Variants in LHX9 observed in about 807,000 individuals in gnomAD.
The protein encoded by LHX9 is LIM homeobox 9, also known as LIM/homeobox protein Lhx9.
Under a neutral mutation model 36.5 loss-of-function variants are expected in LHX9, and 9 were observed. The ratio of observed to expected loss-of-function variants is 0.25; its 90% CI spans 0.15 to 0.43. The LOEUF is 0.43. Among genes scored for constraint, LHX9 ranks in the 20% least tolerant of loss-of-function variants. The probability of loss-of-function intolerance (pLI) is 1.00; values close to 1 mark genes in which losing one functional copy is unlikely to be tolerated. For synonymous variants in LHX9, 211 were observed against 212.1 expected, an observed-to-expected ratio of 0.99 and a Z score of 0.04; for missense variants, 464 against 526.4, an observed-to-expected ratio of 0.88 and a Z score of 1.16.
At chr1:197,912,493 A>G (rs1443433707), upstream of LHX9, 4 of 1,613,242 alleles carry the variant, frequency 2.5e-6, no homozygotes, top group African/African-American at 1.3e-5. Context: ...TGCCAGTGCA[A>G]CCACCATTAC....
chr1:197,935,394 A>G lies in LHX9; in HGVS notation c.*6135A>G, dbSNP rs773941608. ...TTTTCTTTTGGAACTTTCTGTTTAC[A>G]TTTTGCATGATCTTATAAATTAACC... is the stretch of plus-strand genomic sequence containing the variant. On this transcript the variant is annotated 3_prime_UTR_variant, in exon 5 of 5. Coordinates refer to ENST00000367387, the MANE Select transcript of LHX9 (RefSeq NM_020204.3). 7 of 152,142 alleles carry G rather than the reference A, an allele frequency of 4.6e-5. No individual in the cohort carries two copies. The highest frequency in any genetic ancestry group is 1.0e-4 in the Non-Finnish European group (7 of 67,986). The allele number at this position is 152,142 out of a possible 1,614,324, so 9.4% of individuals were successfully genotyped here.
intron 1 of LHX9, among the ~76,000 whole-genome samples, chr1:197,919,179 G>A (rs76202560): frequency 0.017 from 2,524 of 152,352 alleles, 32 homozygotes; most frequent in Middle Eastern, 0.037. Flanking sequence ...TTGCAGCGGG[G>A]CTGGGCTCCT....
upstream of LHX9, chr1:197,912,700 G>A: frequency 4.6e-6 from 4 of 862,812 alleles, no homozygotes; most frequent in Non-Finnish European, 7.9e-6. Flanking sequence ...ATTAAACCGC[G>A]CTTCGTAGGC....
At chr1:197,923,495 C>CAGAGAGAGAG (rs148599324) in intron 3 of LHX9, among the ~76,000 whole-genome samples, 35 of 147,748 alleles carry the variant, frequency 2.4e-4, no homozygotes, top group South Asian at 6.6e-4. Flanking sequence ...CCCTAATTCC[C>CAGAGAGAGAG]AGAGAGAGAG....
Position 197,924,600 on chromosome 1 carries a change from A to T in LHX9, c.733+2941A>T, listed in dbSNP as rs115256434. On this transcript the variant is annotated intron_variant, in intron 3 of 4. Transcript: ENST00000367387. The stretch of plus-strand genomic sequence containing the variant: ...TCTTATTTGTGTAATTTAAACATTA[A>T]TTGAGAGATTAAACTTTTGCCACTT... 5.9e-3 allele frequency among the ~76,000 whole-genome samples: 898 copies of T among 152,334 alleles called. 5 individuals carry two copies. Among genetic ancestry groups the T allele is most frequent in the Non-Finnish European group, 9.7e-3 (660 of 68,028 alleles).
chr1:197,932,074 GCC>G lies in LHX9; in HGVS notation c.*2816_*2817del. 4 of 776,750 alleles carry G rather than the reference GCC, an allele frequency of 5.1e-6. No homozygotes were observed. The highest frequency in any genetic ancestry group is 3.2e-5 in the Admixed American group (1 of 31,346). 48.1% of individuals were successfully genotyped at this position (776,750 alleles called of 1,614,324 possible). A position where few individuals can be genotyped will look rare whatever the true frequency, so the allele number is the denominator to read the frequency against. On this transcript the variant is annotated 3_prime_UTR_variant, in exon 5 of 5. Transcript: ENST00000367387. ...AATCATACATTAAAAAATTTATTAA[GCC>G]AAAAAAAAAGAGAGAGAGAGAGACT...
At chr1:197,913,207 C>T (rs1204283664), upstream of LHX9, 2 of 152,014 alleles carry the variant, frequency 1.3e-5, no homozygotes, top group Admixed American at 6.6e-5. Flanking sequence ...CTATAGAGAA[C>T]AGAGGTTTGA....
intron 4 of LHX9, 43 bp from the exon 5 acceptor site, chr1:197,928,959 A>T: frequency 6.8e-7 from 1 of 1,466,508 alleles, no homozygotes; most frequent in Non-Finnish European, 9.1e-7. Context: ...AAGAAATATA[A>T]AAATGAACAT....
chr1:197,918,442 C>T, intron 1 of LHX9: 1 of 714,404 alleles, frequency 1.4e-6, no homozygotes, highest in Non-Finnish European at 2.6e-6. Context: ...GGCCTGATGA[C>T]CGGACCTGTG....
Position 197,930,915 on chromosome 1 carries a change from T to C in LHX9, c.*1656T>C, listed in dbSNP as rs1199198993. The C allele has an allele frequency of 6.6e-6, 1 of 152,010 alleles. No individual in the cohort carries two copies. The highest frequency in any genetic ancestry group is 1.5e-5 in the Non-Finnish European group (1 of 67,858). 9.4% of individuals were successfully genotyped at this position (152,010 alleles called of 1,614,324 possible). A position where few individuals can be genotyped will look rare whatever the true frequency, so the allele number is the denominator to read the frequency against. ...ATACTTCTATTACATTTTGGGCATT[T>C]ACCACTAACCAGACCAAACAACCTT... is the stretch of plus-strand genomic sequence containing the variant. On this transcript the variant is annotated 3_prime_UTR_variant, in exon 5 of 5. Transcript: ENST00000367387.
rs531718802 is a variant in LHX9, at chr1:197,925,091, A to G, written c.734-2500A>G. 4.2e-5 allele frequency among the ~76,000 whole-genome samples: 5 copies of G among 119,930 alleles called. 1 individual carries two copies. The highest frequency in any genetic ancestry group is 8.6e-5 in the Non-Finnish European group (5 of 58,294). The allele number at this position is 119,930 out of a possible 152,430, so 78.7% of individuals were successfully genotyped here. On this transcript the variant is annotated intron_variant, in intron 3 of 4. Coordinates refer to ENST00000367387, the MANE Select transcript of LHX9 (RefSeq NM_020204.3). Reference sequence around the variant, plus strand: ...GAGATAACAGTCACAGGAAAATCATATATAGTAATATCTGTTTAATAAAGA... The same window carrying G: ...GAGATAACAGTCACAGGAAAATCATGTATAGTAATATCTGTTTAATAAAGA...
rs370900873 is a variant in LHX9, at chr1:197,933,934, G to A, written c.*4675G>A. 1 of 152,094 alleles carries A rather than the reference G, an allele frequency of 6.6e-6. No homozygotes were observed. The highest frequency in any genetic ancestry group is 2.4e-5 in the African/African-American group (1 of 41,426). 9.4% of individuals were successfully genotyped at this position (152,094 alleles called of 1,614,324 possible). On this transcript the variant is annotated 3_prime_UTR_variant, in exon 5 of 5. Transcript: ENST00000367387. The stretch of plus-strand genomic sequence containing the variant: ...ATGTGGACCTCTTAGTTGAGAGCAG[G>A]ACACTAAATTTTCATAGCTTCTACC...
rs1432153571 is a variant in LHX9 at position 197,928,829 on chromosome 1, G to GA, written c.937-165dup. Among the ~76,000 whole-genome samples the GA allele has an allele frequency of 2.0e-4, 16 of 80,936 alleles. No individual in the cohort carries two copies. In the South Asian group the frequency reaches 3.4e-3, roughly 17 times the overall value. 53.1% of individuals were successfully genotyped at this position (80,936 alleles called of 152,430 possible). A position where few individuals can be genotyped will look rare whatever the true frequency, so the allele number is the denominator to read the frequency against. On this transcript the variant is annotated intron_variant, in intron 4 of 4. Transcript: ENST00000367387. The stretch of plus-strand genomic sequence containing the variant: ...TGAATAACTCTGTTTTAAAAGAAAA[G>GA]AAAAAAAAGCCCCTTTCCTCCTAAG...
upstream of LHX9, chr1:197,915,757 T>TGG (rs925309710): frequency 1.9e-3 from 286 of 152,356 alleles, 4 homozygotes; most frequent in Non-Finnish European, 4.6e-4. Flanking sequence ...GACAACGCTT[T>TGG]GGGACAGGAA....
At chr1:197,917,109 T>G, upstream of LHX9, 1 of 182,310 alleles carries the variant, frequency 5.5e-6, no homozygotes, top group Non-Finnish European at 1.0e-5. Flanking sequence ...TGTGTGTGTG[T>G]GTGTGTGCGC....
upstream of LHX9, chr1:197,915,762 C>G (rs926487554): frequency 1.3e-5 from 2 of 152,206 alleles, no homozygotes; most frequent in Non-Finnish European, 2.9e-5. Context: ...CGCTTTGGGA[C>G]AGGAAGTCAG....
At chr1:197,918,449 T>G in intron 1 of LHX9, 1 of 707,794 alleles carries the variant, frequency 1.4e-6, no homozygotes. Flanking sequence ...TGACCGGACC[T>G]GTGGAGTAGA....
intron 3 of LHX9, among the ~76,000 whole-genome samples, chr1:197,926,859 A>G (rs1253183736): frequency 1.3e-5 from 2 of 152,182 alleles, no homozygotes; most frequent in Admixed American, 1.3e-4. Flanking sequence ...CAGGGGAAAA[A>G]TATTTTCTTT....
rs138718544 is a variant in LHX9, at chr1:197,921,121, TC to T, written c.378-181del. 0.037 allele frequency among the ~76,000 whole-genome samples: 5,594 copies of T among 152,236 alleles called. 176 individuals carry two copies. Among genetic ancestry groups the T allele is most frequent in the Non-Finnish European group, 0.057 (3,876 of 68,006 alleles). On this transcript the variant is annotated intron_variant, in intron 2 of 4. Transcript: ENST00000367387. This position sits in a 1 kb window ranked among gnomAD's most constrained non-coding sequence, Gnocchi z 4.6. ...GATTCTTCTGACTTTAATGTAAAGA[TC>T]CTTTGTCTTGGTTTATCAGAAAAGG...
Sources: allele counts gnomAD v4.1 joint callset (sites outside exome capture counted in the v4.1 genomes callset), GRCh38; gene constraint gnomAD v4.1.1; non-coding constraint Gnocchi (gnomAD v3.1); transcripts MANE v1.5; gene names NCBI Gene and HGNC (gene_info 2026-07-23, HGNC 2026-07-21).